The following INSL6 variants were observed in gnomAD, a reference collection of about 807,000 sequenced individuals.
INSL6 encodes insulin-like peptide INSL6.
INSL6 carries 16 observed loss-of-function variants against 9.4 expected under a neutral mutation model. The observed-to-expected ratio is 1.70, with a 90% CI of 1.15 to 2.59. The LOEUF (loss-of-function observed/expected upper bound fraction) is 2.59, where lower values mean the gene tolerates loss of function less well. Among genes scored for constraint, INSL6 ranks in the 30% most tolerant of loss-of-function variants. The pLI, the probability that INSL6 is intolerant of heterozygous loss-of-function variation, is 0.00. For missense variants in INSL6, 391 were observed against 257.3 expected (o/e 1.52, Z -3.56); for synonymous variants, 154 against 96.9 (o/e 1.59, Z -3.46).
chr9:5,032,806 C>G, the INSL6 span, among the ~76,000 whole-genome samples: 1 of 152,140 alleles, frequency 6.6e-6, no homozygotes, highest in East Asian at 1.9e-4. Flanking sequence ...AAAAACAGAG[C>G]AGAAAAACTG....
downstream of INSL6, among the ~76,000 whole-genome samples, chr9:5,120,079 C>T (rs1394819287): frequency 6.6e-6 from 1 of 152,124 alleles, no homozygotes; most frequent in Admixed American, 6.5e-5. Context: ...GGTTAGGAGT[C>T]CATGAAAAAA....
intron 2 of INSL6, among the ~76,000 whole-genome samples, chr9:5,157,061 CAT>C (rs1491244535): frequency 1.6e-4 from 25 of 152,028 alleles, no homozygotes; most frequent in Non-Finnish European, 2.8e-4. Context: ...CATTTAACAA[CAT>C]ATGTATTATA....
At chr9:5,169,519 T>TA (rs1825133070) in intron 1 of INSL6, among the ~76,000 whole-genome samples, 1 of 152,056 alleles carries the variant, frequency 6.6e-6, no homozygotes, top group South Asian at 2.1e-4. Context: ...AATTCACACA[T>TA]AACAATATTA....
At chr9:5,097,021 G>A in the INSL6 span, 1 of 152,046 alleles carries the variant, frequency 6.6e-6, no homozygotes, top group Non-Finnish European at 1.5e-5. Context: ...CTCAATAGAA[G>A]CCGGTGCTGG....
chr9:5,068,476 T>TG, the INSL6 span, among the ~76,000 whole-genome samples: 1 of 152,180 alleles, frequency 6.6e-6, no homozygotes, highest in African/African-American at 2.4e-5. Flanking sequence ...TTAGAAACAG[T>TG]GGTACTTGAA....
At chr9:5,037,451 C>T in the INSL6 span, among the ~76,000 whole-genome samples, 1 of 152,158 alleles carries the variant, frequency 6.6e-6, no homozygotes, top group Admixed American at 6.5e-5. Flanking sequence ...AGACTTGGAA[C>T]CAAGCTAGAT....
intron 2 of INSL6, among the ~76,000 whole-genome samples, chr9:5,149,138 T>C (rs10815165): frequency 0.42 from 63,177 of 152,084 alleles, 15,903 homozygotes; most frequent in African/African-American, 0.72. Flanking sequence ...CCCCTGCCAC[T>C]TCACACATCT....
At chr9:4,995,462 C>CT in the INSL6 span, among the ~76,000 whole-genome samples, 1 of 152,194 alleles carries the variant, frequency 6.6e-6, no homozygotes, top group African/African-American at 2.4e-5. Flanking sequence ...TGGGACGCAA[C>CT]TTTTTTCCCC....
chr9:5,114,674 C>T, the INSL6 span: 13 of 435,088 alleles, frequency 3.0e-5, no homozygotes, highest in African/African-American at 8.1e-5. Flanking sequence ...GCTCTGGCGT[C>T]TTAGTCTTCA....
At chr9:4,995,257 A>G in the INSL6 span, among the ~76,000 whole-genome samples, 1 of 152,200 alleles carries the variant, frequency 6.6e-6, no homozygotes, top group East Asian at 1.9e-4. Flanking sequence ...GAGCTCTTAT[A>G]CTAAGGAAGA....
chr9:5,037,053 C>G, the INSL6 span, among the ~76,000 whole-genome samples: 1 of 152,112 alleles, frequency 6.6e-6, no homozygotes, highest in Non-Finnish European at 1.5e-5. Flanking sequence ...GCGAAGGATA[C>G]GAACAGACAC....
the INSL6 span, among the ~76,000 whole-genome samples, chr9:5,005,396 C>G: frequency 6.6e-6 from 1 of 151,850 alleles, no homozygotes; most frequent in East Asian, 1.9e-4. Flanking sequence ...AATATTTTCT[C>G]CTGTTTTATA....
chr9:5,047,337 T>C, the INSL6 span, among the ~76,000 whole-genome samples: 8 of 152,224 alleles, frequency 5.3e-5, no homozygotes, highest in East Asian at 1.9e-4. Flanking sequence ...AGACAGTACC[T>C]GTAGGAAGAC....
the INSL6 span, among the ~76,000 whole-genome samples, chr9:5,106,965 G>A: frequency 6.6e-6 from 1 of 152,088 alleles, no homozygotes; most frequent in Non-Finnish European, 1.5e-5. Context: ...AATCAACATG[G>A]CACATGTATA....
chr9:5,086,003 C>G, the INSL6 span: 1 of 839,390 alleles, frequency 1.2e-6, no homozygotes. Flanking sequence ...TGTGATGAAA[C>G]TGTGATATAC....
At chr9:5,026,114 T>A in the INSL6 span, among the ~76,000 whole-genome samples, 2 of 152,230 alleles carry the variant, frequency 1.3e-5, no homozygotes, top group Non-Finnish European at 2.9e-5. Flanking sequence ...CTCTAACCTT[T>A]CTTTGGGATT....
At chr9:5,062,314 C>CA in the INSL6 span, among the ~76,000 whole-genome samples, 2 of 151,866 alleles carry the variant, frequency 1.3e-5, no homozygotes, top group Non-Finnish European at 2.9e-5. Context: ...TGAGGGACAA[C>CA]TGTACAATAG....
the INSL6 span, chr9:5,112,042 C>T: frequency 4.9e-6 from 2 of 409,144 alleles, no homozygotes; most frequent in Non-Finnish European, 9.8e-6. Flanking sequence ...GCCTTATCAC[C>T]CAGCTACGAC....
chr9:5,072,019 TTA>T, the INSL6 span, among the ~76,000 whole-genome samples: 1 of 152,276 alleles, frequency 6.6e-6, no homozygotes, highest in African/African-American at 2.4e-5. Flanking sequence ...GGGAAAATAG[TTA>T]TTATTCTCAT....
Sources: allele counts gnomAD v4.1 joint callset (sites outside exome capture counted in the v4.1 genomes callset), GRCh38; gene constraint gnomAD v4.1.1; transcripts MANE v1.5; gene names NCBI Gene and HGNC (gene_info 2026-07-23, HGNC 2026-07-21).